Variants in MDFIC2 observed in about 807,000 individuals in gnomAD.
MDFIC2 encodes the protein myoD family inhibitor domain-containing protein 2.
intron 2 of MDFIC2, among the ~76,000 whole-genome samples, chr3:70,284,059 T>G (rs1184005938): frequency 6.6e-6 from 1 of 152,142 alleles, no homozygotes; most frequent in Non-Finnish European, 1.5e-5. Context: ...AATCCTGGAA[T>G]GAACTTGGTT....
intron 2 of MDFIC2, among the ~76,000 whole-genome samples, chr3:70,274,463 A>C (rs201139072): frequency 6.6e-6 from 1 of 151,856 alleles, no homozygotes; most frequent in Non-Finnish European, 1.5e-5. Context: ...ATATTTGAAA[A>C]GTATTTTTCT....
At chr3:70,262,498 G>A (rs1437760640) in intron 2 of MDFIC2, among the ~76,000 whole-genome samples, 1 of 152,172 alleles carries the variant, frequency 6.6e-6, no homozygotes, top group East Asian at 1.9e-4. Flanking sequence ...TTATTATGGG[G>A]ATGGCTTGGG....
At chr3:70,248,968 C>G (rs918000120) in intron 2 of MDFIC2, 1 of 152,092 alleles carries the variant, frequency 6.6e-6, no homozygotes, top group Admixed American at 6.6e-5. Context: ...CATTTTATTT[C>G]CTAGGGAGTT....
At chr3:70,303,696 T>A (rs1702371647) in intron 2 of MDFIC2, among the ~76,000 whole-genome samples, 1 of 152,310 alleles carries the variant, frequency 6.6e-6, no homozygotes, top group Non-Finnish European at 1.5e-5. Flanking sequence ...TATTTTATTT[T>A]TCTGAGGTGG....
intron 2 of MDFIC2, among the ~76,000 whole-genome samples, chr3:70,240,211 G>T (rs546664335): frequency 6.6e-6 from 1 of 152,086 alleles, no homozygotes; most frequent in South Asian, 2.1e-4. Context: ...TTAAGGCTTG[G>T]TAACAGAGCC....
intron 2 of MDFIC2, among the ~76,000 whole-genome samples, chr3:70,304,538 A>G (rs1702382195): frequency 6.6e-6 from 1 of 152,110 alleles, no homozygotes. Context: ...CACAATTTCT[A>G]AAGCCGGGGG....
chr3:70,307,739 G>A (rs1318841799), intron 2 of MDFIC2, among the ~76,000 whole-genome samples: 1 of 152,046 alleles, frequency 6.6e-6, no homozygotes, highest in East Asian at 1.9e-4. Flanking sequence ...TATCACACAA[G>A]CCTTGCCTCT....
chr3:70,270,825 G>T (rs1481466615), intron 2 of MDFIC2, among the ~76,000 whole-genome samples: 2 of 152,028 alleles, frequency 1.3e-5, no homozygotes, highest in Non-Finnish European at 2.9e-5. Context: ...ATAAGTGGGA[G>T]TTGAGCAATT....
chr3:70,276,183 G>A (rs1184552749), intron 2 of MDFIC2, among the ~76,000 whole-genome samples: 2 of 152,000 alleles, frequency 1.3e-5, no homozygotes, highest in Non-Finnish European at 1.5e-5. Flanking sequence ...TATATAGCAG[G>A]TGTTCAATAA....
At chr3:70,259,955 A>G (rs1701850458) in intron 2 of MDFIC2, among the ~76,000 whole-genome samples, 1 of 151,892 alleles carries the variant, frequency 6.6e-6, no homozygotes, top group Non-Finnish European at 1.5e-5. Context: ...CACTTATAAA[A>G]CCATCAGATC....
chr3:70,214,685 A>C (rs1701387693), intron 2 of MDFIC2, among the ~76,000 whole-genome samples: 1 of 151,504 alleles, frequency 6.6e-6, no homozygotes, highest in Non-Finnish European at 1.5e-5. Flanking sequence ...ACCTGTAGAC[A>C]GACATAGGCT....
intron 2 of MDFIC2, among the ~76,000 whole-genome samples, chr3:70,216,794 A>T (rs1286639300): frequency 2.6e-5 from 4 of 152,090 alleles, no homozygotes; most frequent in Admixed American, 2.6e-4. Flanking sequence ...TTGCCCCCCA[A>T]GGGAATGGAT....
chr3:70,231,730 A>G (rs550782252), intron 2 of MDFIC2, among the ~76,000 whole-genome samples: 1 of 152,288 alleles, frequency 6.6e-6, no homozygotes, highest in African/African-American at 2.4e-5. Context: ...AAATGGGACA[A>G]GGAGAGAAGA....
chr3:70,206,447 C>T (rs1227440448), intron 3 of MDFIC2, 122 bp downstream of exon 3: 5 of 394,392 alleles, frequency 1.3e-5, no homozygotes, highest in African/African-American at 6.2e-5. Context: ...GTTTTCAAAT[C>T]GAAGTCTTCG....
At chr3:70,276,183 G>C (rs1184552749) in intron 2 of MDFIC2, among the ~76,000 whole-genome samples, 1 of 152,000 alleles carries the variant, frequency 6.6e-6, no homozygotes, top group Non-Finnish European at 1.5e-5. Flanking sequence ...TATATAGCAG[G>C]TGTTCAATAA....
rs1470774822 is a variant in MDFIC2, at chr3:70,196,150, T to G, written c.*776A>C. 6.6e-6 allele frequency among the ~76,000 whole-genome samples: 1 copy of G among 152,190 alleles called. No individual in the cohort carries two copies. Among genetic ancestry groups the G allele is most frequent in the Non-Finnish European group, 1.5e-5 (1 of 68,018 alleles). On this transcript the variant is annotated 3_prime_UTR_variant, in exon 4 of 4. Transcript: ENST00000567252. ...TGAAGAAAGTGAAGAATTGAGATTT[T>G]TTTGAAACTTGCACATAATTCTCAT...
rs1295137636 is a variant in MDFIC2 at position 70,261,351 on chromosome 3, C to CA, written c.88+50534dup. ...TCATCATAATCTAACAACTATGCTT[C>CA]AAAAAAAGTTGATGTGAACATGCAT... On this transcript the variant is annotated intron_variant, in intron 2 of 3. Coordinates refer to ENST00000567252, the MANE Select transcript of MDFIC2 (RefSeq NM_001364677.1). 2.0e-5 allele frequency among the ~76,000 whole-genome samples: 3 copies of CA among 152,060 alleles called. No homozygotes were observed. The East Asian group carries it at 5.8e-4, about 29-fold the overall frequency.
At chr3:70,206,996 C>G (rs924075235) in intron 2 of MDFIC2, among the ~76,000 whole-genome samples, 1 of 149,612 alleles carries the variant, frequency 6.7e-6, no homozygotes, top group African/African-American at 2.4e-5. Flanking sequence ...ACATTGCAAA[C>G]TTTACCTATC....
intron 2 of MDFIC2, among the ~76,000 whole-genome samples, chr3:70,251,468 C>G (rs1701767461): frequency 6.6e-6 from 1 of 152,074 alleles, no homozygotes; most frequent in South Asian, 2.1e-4. Flanking sequence ...TATATTAGAT[C>G]AATGTATTGG....
Sources: allele counts gnomAD v4.1 joint callset (sites outside exome capture counted in the v4.1 genomes callset), GRCh38; gene constraint gnomAD v4.1.1; transcripts MANE v1.5; gene names NCBI Gene and HGNC (gene_info 2026-07-23, HGNC 2026-07-21).